The following CACNA2D2 variants were observed in gnomAD, a reference collection of about 807,000 sequenced individuals.
CACNA2D2 encodes voltage-dependent calcium channel subunit alpha-2/delta-2.
Under a neutral mutation model 166.4 loss-of-function variants are expected in CACNA2D2, and 48 were observed. The ratio of observed to expected loss-of-function variants is 0.29; its 90% CI spans 0.23 to 0.37. CACNA2D2 has a LOEUF of 0.37. Among genes scored for constraint, CACNA2D2 ranks in the 10% least tolerant of loss-of-function variants. The pLI is 1.00. For synonymous variants in CACNA2D2, 561 were observed against 573.7 expected (o/e 0.98, Z 0.32); for missense variants, 1,122 against 1,433.0 (o/e 0.78, Z 3.50).
chr3:50,447,895 C>T (rs1009361107), intron 2 of CACNA2D2, among the ~76,000 whole-genome samples: 2 of 152,142 alleles, frequency 1.3e-5, no homozygotes, highest in African/African-American at 2.4e-5. Flanking sequence ...GGCTCAGGTA[C>T]GCTCTTCTAA....
chr3:50,461,754 A>G (rs1159854298), intron 2 of CACNA2D2, among the ~76,000 whole-genome samples: 1 of 149,704 alleles, frequency 6.7e-6, no homozygotes, highest in Admixed American at 6.8e-5. Context: ...TCAAAAAAAA[A>G]AAAAAAAAAG....
At chr3:50,470,787 G>C (rs536046525) in intron 2 of CACNA2D2, among the ~76,000 whole-genome samples, 1 of 151,826 alleles carries the variant, frequency 6.6e-6, no homozygotes, top group African/African-American at 2.4e-5. Flanking sequence ...GGTTGGGGGG[G>C]ACACAGAGGG....
chr3:50,409,046 C>A (rs1441092033), intron 3 of CACNA2D2, among the ~76,000 whole-genome samples: 2 of 152,240 alleles, frequency 1.3e-5, no homozygotes, highest in Non-Finnish European at 2.9e-5. Context: ...TTGGGCTGGA[C>A]TTTCTGAGGG....
intron 1 of CACNA2D2, among the ~76,000 whole-genome samples, chr3:50,490,908 CA>C (rs1183993214): frequency 6.6e-6 from 1 of 152,194 alleles, no homozygotes; most frequent in African/African-American, 2.4e-5. Context: ...GCGAAGGTTT[CA>C]GGGGACAGTG....
chr3:50,471,301 G>T lies in CACNA2D2; in HGVS notation c.288+4817C>A, dbSNP rs74664198. Among the ~76,000 whole-genome samples, 464 of 152,230 alleles carry T rather than the reference G, an allele frequency of 3.0e-3. 3 individuals carry two copies. The highest frequency in any genetic ancestry group is 0.011 in the African/African-American group (441 of 41,532). On this transcript the variant is annotated intron_variant, in intron 2 of 37. Coordinates refer to ENST00000424201, the MANE Select transcript of CACNA2D2 (RefSeq NM_006030.4). ...CAGTGCGACAGCCTGTACCAGTGGG[G>T]GACCTGGCCAAGGAGCTGCATGCCT...
chr3:50,426,828 T>C (rs1184100085), intron 3 of CACNA2D2, among the ~76,000 whole-genome samples: 1 of 152,166 alleles, frequency 6.6e-6, no homozygotes, highest in Non-Finnish European at 1.5e-5. Flanking sequence ...GCCAGGCCCT[T>C]GTCTGACCAC....
At chr3:50,430,170 T>C (rs1708004393) in intron 3 of CACNA2D2, among the ~76,000 whole-genome samples, 1 of 152,188 alleles carries the variant, frequency 6.6e-6, no homozygotes, top group Admixed American at 6.5e-5. Context: ...CATGTTGATG[T>C]CCTTCTGGAA....
chr3:50,406,033 T>C (rs909274543), intron 3 of CACNA2D2, among the ~76,000 whole-genome samples: 6 of 151,766 alleles, frequency 4.0e-5, no homozygotes, highest in African/African-American at 1.2e-4. Flanking sequence ...TTCAGACTTC[T>C]TGTAGCCACA....
At chr3:50,372,452 G>A (rs1348112599) in intron 22 of CACNA2D2, among the ~76,000 whole-genome samples, 5 of 152,252 alleles carry the variant, frequency 3.3e-5, no homozygotes, top group Admixed American at 6.5e-5. Flanking sequence ...CCCAGGAGGC[G>A]CGGGTCAGCC....
chr3:50,487,653 C>T (rs1196602696), intron 1 of CACNA2D2, among the ~76,000 whole-genome samples: 1 of 152,164 alleles, frequency 6.6e-6, no homozygotes, highest in Non-Finnish European at 1.5e-5. Flanking sequence ...CAAGGGGCTT[C>T]TAGTGCAGCC....
At chr3:50,424,914 GCCA>G (rs200624166) in intron 3 of CACNA2D2, among the ~76,000 whole-genome samples, 4,202 of 152,090 alleles carry the variant, frequency 0.028, 195 homozygotes, top group African/African-American at 0.096. Flanking sequence ...GGGCCTTCTT[GCCA>G]CCCTATCCCC....
In CACNA2D2 at chr3:50,367,195, A is replaced by G; in HGVS notation, c.2402-86T>C. 4.4e-6 allele frequency: 5 copies of G among 1,126,942 alleles called. No individual in the cohort carries two copies. Among genetic ancestry groups the G allele is most frequent in the Non-Finnish European group, 6.6e-6 (5 of 759,518 alleles). 69.8% of individuals were successfully genotyped at this position (1,126,942 alleles called of 1,614,324 possible). The stretch of plus-strand genomic sequence containing the variant: ...TGGGTCCTACAAACCCAGCAGTCCA[A>G]TCCCGGGATGACTCCAGCCCAAGCA... On this transcript the variant is annotated intron_variant, in intron 27 of 37. Transcript: ENST00000424201. This position sits in a 1 kb window ranked among gnomAD's most constrained non-coding sequence, Gnocchi z 6.5.
rs1338994115 is a variant in CACNA2D2 at position 50,375,787 on chromosome 3, G to GC, written c.1845+21dup. The GC allele has an allele frequency of 6.2e-7, 1 of 1,612,800 alleles. No homozygotes were observed. The highest frequency in any genetic ancestry group is 1.3e-5 in the African/African-American group (1 of 74,996). ...GAAGGGTGCCCACCCTGACTCCCTG[G>GC]CCCCCAGCCCTGCCTCCTTACCTCA... On this transcript the variant is annotated intron_variant, in intron 20 of 37. Transcript: ENST00000424201. This position sits in a 1 kb window ranked among gnomAD's most constrained non-coding sequence, Gnocchi z 4.0.
At chr3:50,460,428 GT>G (rs1168900917) in intron 2 of CACNA2D2, among the ~76,000 whole-genome samples, 1 of 151,360 alleles carries the variant, frequency 6.6e-6, no homozygotes, top group Non-Finnish European at 1.5e-5. Flanking sequence ...TTCTTTTTTT[GT>G]TTTTTTGTTT....
At chr3:50,374,494 AC>A (rs1704864440) in intron 22 of CACNA2D2, among the ~76,000 whole-genome samples, 2 of 151,900 alleles carry the variant, frequency 1.3e-5, no homozygotes, top group South Asian at 4.2e-4. Context: ...AGTAGGAGAA[AC>A]CAAAAACAGC....
At position 50,503,424 on chromosome 3, in the gene CACNA2D2, G is replaced by A. The variant is rs1235306256; in HGVS notation, c.-1C>T. 5.4e-6 allele frequency: 1 copy of A among 186,238 alleles called. No individual in the cohort carries two copies. The highest frequency in any genetic ancestry group is 1.1e-5 in the Non-Finnish European group (1 of 93,830). The allele number at this position is 186,238 out of a possible 1,614,324, so 11.5% of individuals were successfully genotyped here. ...CGCAGGTCCGAGCCGGCACCGCCAT[G>A]TTTCCATTCAAGATGCGGCGCCGCG... On this transcript the variant is annotated 5_prime_UTR_variant, in exon 1 of 38. Coordinates refer to ENST00000424201, the MANE Select transcript of CACNA2D2 (RefSeq NM_006030.4).
rs982123063 is a variant in CACNA2D2, at chr3:50,372,994, G to A, written c.1984+1743C>T. 10 of 1,281,956 alleles carry A rather than the reference G, an allele frequency of 7.8e-6. No homozygotes were observed. In the Admixed American group the frequency reaches 8.0e-5, roughly 10 times the overall value. The allele number at this position is 1,281,956 out of a possible 1,614,324, so 79.4% of individuals were successfully genotyped here. On this transcript the variant is annotated intron_variant, in intron 22 of 37. Transcript: ENST00000424201. Reference sequence around the variant, plus strand: ...GGGTTTGGCTGGTCCTGGGCAGGGAGGGGGGCAAGCAGGGGCGTGAGGATG... The same window carrying A: ...GGGTTTGGCTGGTCCTGGGCAGGGAAGGGGGCAAGCAGGGGCGTGAGGATG...
rs1256746266 is a variant in CACNA2D2 at position 50,384,334 on chromosome 3, C to T, written c.514G>A (p.Asp172Asn). Residue 172 changes from aspartate (D) to asparagine (N), a missense_variant, in exon 6 of 38, where the codon GAC becomes AAC. By Grantham distance (23) the Asp-to-Asn change is conservative. This residue lies in a region of CACNA2D2 where 840 missense variants were observed against 1,166.8 expected (regional missense o/e 0.72). Transcript: ENST00000424201. The part of the protein sequence containing the change: ...YDAKADAELD[D>N]PESEDVERGS... ...CTTTCCACATCCTCACTCTCAGGGT[C>T]GTCCTGCAGAAAGGGCACCCCCGAG... 6.8e-6 allele frequency: 11 copies of T among 1,613,608 alleles called. No homozygotes were observed. The highest frequency in any genetic ancestry group is 4.5e-5 in the East Asian group (2 of 44,882).
chr3:50,417,805 C>T (rs976761924), intron 3 of CACNA2D2, among the ~76,000 whole-genome samples: 1 of 152,204 alleles, frequency 6.6e-6, no homozygotes, highest in South Asian at 2.1e-4. Context: ...TTGCTTCCTG[C>T]CTGGCCCACA....
Sources: gnomAD v4.1 joint callset for allele counts (sites outside exome capture counted in the v4.1 genomes callset) on GRCh38, gnomAD v4.1.1 for gene constraint, gnomAD v4.1.1 regional missense constraint, Gnocchi (gnomAD v3.1) non-coding constraint, MANE v1.5 for transcripts, NCBI Gene and HGNC (gene_info 2026-07-23, HGNC 2026-07-21) for gene names.